The following PCDHGB7 variants were observed in gnomAD, a reference collection of about 807,000 sequenced individuals.
PCDHGB7 encodes protocadherin gamma-B7.
PCDHGB7 carries 37 observed loss-of-function variants against 61.4 expected under a neutral mutation model. That is an observed-to-expected ratio of 0.60 (90% CI 0.46 to 0.79). The LOEUF (loss-of-function observed/expected upper bound fraction) is 0.79. PCDHGB7 is among the 30% of genes least tolerant of loss of function. The probability of loss-of-function intolerance (pLI) is 0.00; values close to 1 mark genes in which losing one functional copy is unlikely to be tolerated. For synonymous variants in PCDHGB7, 464 were observed against 503.5 expected (o/e 0.92, Z 1.05); for missense variants, 1,166 against 1,202.5 (o/e 0.97, Z 0.45).
In PCDHGB7 at chr5:141,457,491, A is replaced by G. The variant is rs1462989353; in HGVS notation, c.2415+37217A>G. Among the ~76,000 whole-genome samples, 9 of 152,368 alleles carry G rather than the reference A, an allele frequency of 5.9e-5. No individual in the cohort carries two copies. The East Asian group carries it at 1.5e-3, about 26-fold the overall frequency. On this transcript the variant is annotated intron_variant, in intron 1 of 3. Transcript: ENST00000398594. ...ATAAGCAGGGCCAGGGTTAGTCTAA[A>G]ATGTAGGCAAAAAGCTTAAAAACAA...
intron 1 of PCDHGB7, among the ~76,000 whole-genome samples, chr5:141,425,040 A>G (rs2096853898): frequency 6.6e-6 from 1 of 152,182 alleles, no homozygotes; most frequent in South Asian, 2.1e-4. Flanking sequence ...TTAGTTGTAA[A>G]CTGACTATCT....
At position 141,432,727 on chromosome 5, in the gene PCDHGB7, C is replaced by T; in HGVS notation, c.2415+12453C>T. 6.2e-7 allele frequency: 1 copy of T among 1,614,090 alleles called. No individual in the cohort carries two copies. Among genetic ancestry groups the T allele is most frequent in the Non-Finnish European group, 8.5e-7 (1 of 1,179,996 alleles). ...ACCACGGCCAGCCCCCTCTCTCCGC[C>T]ACTGTCACGCTCACCGTGGCCGTGG... On this transcript the variant is annotated intron_variant, in intron 1 of 3. Transcript: ENST00000398594. The surrounding 1 kb of genome is among the most constrained non-coding windows in gnomAD (Gnocchi z 6.0).
intron 2 of PCDHGB7, among the ~76,000 whole-genome samples, chr5:141,499,182 C>T (rs980293990): frequency 5.3e-5 from 8 of 152,114 alleles, no homozygotes; most frequent in African/African-American, 1.7e-4. Flanking sequence ...GCCCAGCAAA[C>T]CATTTCCCCC....
chr5:141,423,758 G>GGT (rs138224377), intron 1 of PCDHGB7: 10 of 366,772 alleles, frequency 2.7e-5, no homozygotes, highest in Non-Finnish European at 1.5e-5. Flanking sequence ...TTTGGGGGGG[G>GGT]GGTGGGGCGG....
chr5:141,421,530 C>T (rs377652360), intron 1 of PCDHGB7: 274 of 1,613,922 alleles, frequency 1.7e-4, no homozygotes, highest in Non-Finnish European at 2.3e-4. Flanking sequence ...AGACGGTGTC[C>T]TCCTGTTTTT....
In PCDHGB7 at chr5:141,431,317, C is replaced by G; in HGVS notation, c.2415+11043C>G. 2 of 1,614,082 alleles carry G rather than the reference C, an allele frequency of 1.2e-6. No homozygotes were observed. The highest frequency in any genetic ancestry group is 1.7e-6 in the Non-Finnish European group (2 of 1,180,038). On this transcript the variant is annotated intron_variant, in intron 1 of 3. Transcript: ENST00000398594. The surrounding 1 kb of genome is among the most constrained non-coding windows in gnomAD (Gnocchi z 4.8). ...TCTCCCTCATCGTGCAAAATGGAGC[C>G]GACGGTAGTAAGTACCCCGAATTGG...
At chr5:141,467,846 A>G (rs984687278) in intron 1 of PCDHGB7, among the ~76,000 whole-genome samples, 2 of 151,926 alleles carry the variant, frequency 1.3e-5, no homozygotes, top group Non-Finnish European at 2.9e-5. Context: ...TTTTTGTAGA[A>G]TGAGATTTCA....
At chr5:141,421,429 G>T in intron 1 of PCDHGB7, 1 of 1,614,090 alleles carries the variant, frequency 6.2e-7, no homozygotes, top group Non-Finnish European at 8.5e-7. Flanking sequence ...AGTCCGCATC[G>T]TCTCCAGAGG....
At chr5:141,454,931 C>T (rs2154564856) in intron 1 of PCDHGB7, among the ~76,000 whole-genome samples, 2 of 151,066 alleles carry the variant, frequency 1.3e-5, no homozygotes, top group South Asian at 4.2e-4. Context: ...CCTCAGCCTC[C>T]CGAGTAGCTG....
chr5:141,452,303 G>C (rs1271182127), intron 1 of PCDHGB7, among the ~76,000 whole-genome samples: 1 of 152,048 alleles, frequency 6.6e-6, no homozygotes, highest in Non-Finnish European at 1.5e-5. Flanking sequence ...GAAAATATTA[G>C]AGACTCATAC....
In PCDHGB7 at chr5:141,485,079, A is replaced by C; in HGVS notation, c.2416-9728A>C. ...AACCGCGCCAGAGCTGGCGCGGGGA[A>C]AGGGAGATAGGTGTCTCCAGCTGCT... is the stretch of plus-strand genomic sequence containing the variant. On this transcript the variant is annotated intron_variant, in intron 1 of 3. Transcript: ENST00000398594. This position sits in a 1 kb window ranked among gnomAD's most constrained non-coding sequence, Gnocchi z 5.7. 1 of 949,456 alleles carries C rather than the reference A, an allele frequency of 1.1e-6. No individual in the cohort carries two copies. The highest frequency in any genetic ancestry group is 1.6e-6 in the Non-Finnish European group (1 of 614,758). 58.8% of individuals were successfully genotyped at this position (949,456 alleles called of 1,614,324 possible).
rs560197175 is a variant in PCDHGB7, at chr5:141,434,430, G to A, written c.2415+14156G>A. Among the ~76,000 whole-genome samples the A allele has an allele frequency of 2.4e-4, 36 of 152,326 alleles. 1 individual carries two copies. In the South Asian group the frequency reaches 6.4e-3, roughly 27 times the overall value. On this transcript the variant is annotated intron_variant, in intron 1 of 3. Coordinates refer to ENST00000398594, the MANE Select transcript of PCDHGB7 (RefSeq NM_018927.4). ...GCACTGTGACATGTTCATGATGGCC[G>A]TAATGCCCATGCTGGAAGGTAGTGG...
At chr5:141,507,450 CAGAG>C (rs940460926) in intron 3 of PCDHGB7, among the ~76,000 whole-genome samples, 1 of 152,170 alleles carries the variant, frequency 6.6e-6, no homozygotes, top group African/African-American at 2.4e-5. Flanking sequence ...GACGGAAGGA[CAGAG>C]AGAGAGGTGG....
chr5:141,508,974 G>A (rs962653911), intron 3 of PCDHGB7, among the ~76,000 whole-genome samples: 2 of 152,128 alleles, frequency 1.3e-5, no homozygotes, highest in Non-Finnish European at 2.9e-5. Flanking sequence ...AAAGGGCTGG[G>A]GGTGGGGGCC....
chr5:141,486,590 C>T lies in PCDHGB7; in HGVS notation c.2416-8217C>T, dbSNP rs781629297. On this transcript the variant is annotated intron_variant, in intron 1 of 3. Transcript: ENST00000398594. This position sits in a 1 kb window ranked among gnomAD's most constrained non-coding sequence, Gnocchi z 5.0. Reference sequence around the variant, plus strand: ...TCCTGAGAACAATCGCCCAGGGGACCTGCTTTGCTCCCTTGCAGCCTCTGA... The same window carrying T: ...TCCTGAGAACAATCGCCCAGGGGACTTGCTTTGCTCCCTTGCAGCCTCTGA... The T allele has an allele frequency of 6.2e-7, 1 of 1,613,640 alleles. No individual in the cohort carries two copies.
Position 141,431,449 on chromosome 5 carries a change from G to A in PCDHGB7, c.2415+11175G>A. Reference sequence around the variant, plus strand: ...GCACAGGCACCGCGCGCATCCGCGTGATGGTTCTGGATGCGAACGACAACG... The same window carrying A: ...GCACAGGCACCGCGCGCATCCGCGTAATGGTTCTGGATGCGAACGACAACG... On this transcript the variant is annotated intron_variant, in intron 1 of 3. Coordinates refer to ENST00000398594, the MANE Select transcript of PCDHGB7 (RefSeq NM_018927.4). The surrounding 1 kb of genome is among the most constrained non-coding windows in gnomAD (Gnocchi z 4.8). The A allele has an allele frequency of 6.2e-7, 1 of 1,613,742 alleles. No individual in the cohort carries two copies. Among genetic ancestry groups the A allele is most frequent in the South Asian group, 1.1e-5 (1 of 91,082 alleles).
chr5:141,428,015 A>G, intron 1 of PCDHGB7: 5 of 1,604,042 alleles, frequency 3.1e-6, no homozygotes, highest in Non-Finnish European at 3.4e-6. Flanking sequence ...ATATAGTGCC[A>G]CGCGCCGCAG....
chr5:141,431,681 G>A lies in PCDHGB7; in HGVS notation c.2415+11407G>A. The A allele has an allele frequency of 6.2e-7, 1 of 1,614,214 alleles. No homozygotes were observed. The highest frequency in any genetic ancestry group is 1.1e-5 in the South Asian group (1 of 91,086). ...GACAATATCAACAATAGGGGAGTTG[G>A]ACCACGAGGAGTCAGGATTCTACCA... On this transcript the variant is annotated intron_variant, in intron 1 of 3. Coordinates refer to ENST00000398594, the MANE Select transcript of PCDHGB7 (RefSeq NM_018927.4). This position sits in a 1 kb window ranked among gnomAD's most constrained non-coding sequence, Gnocchi z 4.8.
rs999687684 is a variant in PCDHGB7, at chr5:141,431,598, C to T, written c.2415+11324C>T. 1 of 1,614,192 alleles carries T rather than the reference C, an allele frequency of 6.2e-7. No homozygotes were observed. The highest frequency in any genetic ancestry group is 8.5e-7 in the Non-Finnish European group (1 of 1,180,046). ...GGAGTCAATGCGGAAGTGAGGTATT[C>T]CTTCCGGTATGTGGACGACAAGGCG... is the stretch of plus-strand genomic sequence containing the variant. On this transcript the variant is annotated intron_variant, in intron 1 of 3. Coordinates refer to ENST00000398594, the MANE Select transcript of PCDHGB7 (RefSeq NM_018927.4). This position sits in a 1 kb window ranked among gnomAD's most constrained non-coding sequence, Gnocchi z 4.8.
Sources: gnomAD v4.1 joint callset for allele counts (sites outside exome capture counted in the v4.1 genomes callset) on GRCh38, gnomAD v4.1.1 for gene constraint, Gnocchi (gnomAD v3.1) non-coding constraint, MANE v1.5 for transcripts, NCBI Gene and HGNC (gene_info 2026-07-23, HGNC 2026-07-21) for gene names.